The following LGSN variants were observed in gnomAD, a reference collection of about 807,000 sequenced individuals.
LGSN encodes lengsin.
Under a neutral mutation model 19.5 loss-of-function variants are expected in LGSN, and 21 were observed. The observed-to-expected ratio is 1.07, with a 90% confidence interval of 0.76 to 1.55. The LOEUF (loss-of-function observed/expected upper bound fraction) is 1.55, where lower values mean the gene tolerates loss of function less well. LGSN is among the 40% of genes most tolerant of loss of function. The probability of loss-of-function intolerance (pLI) is 0.00; values close to 1 mark genes in which losing one functional copy is unlikely to be tolerated. For missense variants in LGSN, 673 were observed against 608.5 expected (o/e 1.11, Z -1.12); for synonymous variants, 257 against 215.6 (o/e 1.19, Z -1.68).
the LGSN span, chr6:63,571,273 A>G: frequency 6.6e-6 from 1 of 152,212 alleles, no homozygotes; most frequent in African/African-American, 2.4e-5. Context: ...GTTGCAGGGC[A>G]CTGAAAGAGG....
chr6:63,508,714 C>T, the LGSN span, among the ~76,000 whole-genome samples: 1 of 151,716 alleles, frequency 6.6e-6, no homozygotes, highest in Non-Finnish European at 1.5e-5. Flanking sequence ...GTCAGGAGTT[C>T]GAGACCAGCC....
the LGSN span, among the ~76,000 whole-genome samples, chr6:63,406,558 G>A: frequency 6.7e-6 from 1 of 149,322 alleles, no homozygotes; most frequent in Admixed American, 6.6e-5. Flanking sequence ...AGCACTAAAT[G>A]CCCACAAGAG....
the LGSN span, among the ~76,000 whole-genome samples, chr6:63,447,636 G>A: frequency 6.6e-6 from 1 of 152,084 alleles, no homozygotes; most frequent in Non-Finnish European, 1.5e-5. Context: ...TGACTATAAG[G>A]AGTCAAAATA....
the LGSN span, among the ~76,000 whole-genome samples, chr6:63,466,903 G>A: frequency 6.6e-6 from 1 of 152,082 alleles, no homozygotes; most frequent in Non-Finnish European, 1.5e-5. Context: ...TCAGGGGAAA[G>A]GTTTGGGTTT....
At chr6:63,292,816 C>T (rs1488461840) in intron 2 of LGSN, among the ~76,000 whole-genome samples, 1 of 152,186 alleles carries the variant, frequency 6.6e-6, no homozygotes, top group African/African-American at 2.4e-5. Context: ...AATATAACAG[C>T]TTTCAGTGAG....
the LGSN span, among the ~76,000 whole-genome samples, chr6:63,397,490 T>C: frequency 6.6e-6 from 1 of 151,046 alleles, no homozygotes; most frequent in African/African-American, 2.4e-5. Flanking sequence ...AAGCTGGGAT[T>C]ATATGGTCCA....
chr6:63,441,151 G>A, the LGSN span: 1 of 196,810 alleles, frequency 5.1e-6, no homozygotes, highest in African/African-American at 2.4e-5. Flanking sequence ...CGAGGTTGCA[G>A]TGAGCCGAGA....
At chr6:63,370,008 A>G in the LGSN span, among the ~76,000 whole-genome samples, 1 of 117,880 alleles carries the variant, frequency 8.5e-6, no homozygotes, top group African/African-American at 5.9e-5. Flanking sequence ...TATCCAAAAA[A>G]GAAGAAGAAG....
chr6:63,404,267 C>T, the LGSN span, among the ~76,000 whole-genome samples: 1 of 151,988 alleles, frequency 6.6e-6, no homozygotes, highest in South Asian at 2.1e-4. Flanking sequence ...ACTTAAAATA[C>T]AATCATGGGC....
upstream of LGSN, among the ~76,000 whole-genome samples, chr6:63,322,201 GA>G (rs1769100502): frequency 6.6e-6 from 1 of 152,162 alleles, no homozygotes; most frequent in African/African-American, 2.4e-5. Context: ...CACTGTGGGA[GA>G]AAATGAAATC....
At chr6:63,511,724 G>T in the LGSN span, among the ~76,000 whole-genome samples, 2 of 152,032 alleles carry the variant, frequency 1.3e-5, no homozygotes, top group Non-Finnish European at 2.9e-5. Context: ...GTTTTGAATT[G>T]TCCCTCAGAA....
At chr6:63,292,858 C>T (rs931207568) in intron 2 of LGSN, among the ~76,000 whole-genome samples, 8 of 152,160 alleles carry the variant, frequency 5.3e-5, no homozygotes, top group African/African-American at 1.9e-4. Flanking sequence ...ATTACCAAAA[C>T]TAAGATTAAC....
At chr6:63,368,590 C>T in the LGSN span, among the ~76,000 whole-genome samples, 2 of 152,212 alleles carry the variant, frequency 1.3e-5, no homozygotes, top group Non-Finnish European at 2.9e-5. Context: ...GCTCCTCCCC[C>T]CACTCCACAC....
chr6:63,322,935 C>T (rs569469827), upstream of LGSN, among the ~76,000 whole-genome samples: 1 of 152,210 alleles, frequency 6.6e-6, no homozygotes, highest in Non-Finnish European at 1.5e-5. Flanking sequence ...TCTGCCCCTT[C>T]GATAAACCTA....
chr6:63,372,304 G>A, the LGSN span, among the ~76,000 whole-genome samples: 1 of 152,220 alleles, frequency 6.6e-6, no homozygotes, highest in African/African-American at 2.4e-5. Flanking sequence ...CAAGATGTGT[G>A]AAACTGTTCA....
At chr6:63,371,917 T>C in the LGSN span, among the ~76,000 whole-genome samples, 1 of 152,234 alleles carries the variant, frequency 6.6e-6, no homozygotes, top group African/African-American at 2.4e-5. Flanking sequence ...ATCTTCCCTT[T>C]GCAGAGTAAA....
At chr6:63,496,313 C>G in the LGSN span, among the ~76,000 whole-genome samples, 2 of 152,170 alleles carry the variant, frequency 1.3e-5, no homozygotes, top group South Asian at 4.1e-4. Context: ...TAGATTTTGA[C>G]CTTACTGATG....
the LGSN span, among the ~76,000 whole-genome samples, chr6:63,556,344 C>CT: frequency 1.1e-4 from 16 of 149,120 alleles, no homozygotes; most frequent in African/African-American, 2.0e-4. Flanking sequence ...TTGCCTTTTT[C>CT]TTTTTTTTTC....
chr6:63,511,122 T>C, the LGSN span, among the ~76,000 whole-genome samples: 2 of 152,200 alleles, frequency 1.3e-5, no homozygotes, highest in African/African-American at 4.8e-5. Context: ...CACAAGTGCC[T>C]GGTTCTACAT....
Sources: gnomAD v4.1 joint callset for allele counts (sites outside exome capture counted in the v4.1 genomes callset) on GRCh38, gnomAD v4.1.1 for gene constraint, MANE v1.5 for transcripts, NCBI Gene and HGNC (gene_info 2026-07-23, HGNC 2026-07-21) for gene names.